The following NEGR1 variants were observed in gnomAD, a reference collection of about 807,000 sequenced individuals.
NEGR1 encodes the protein neuronal growth regulator 1.
A neutral mutation model predicts 40.9 loss-of-function variants in NEGR1; 10 were observed. That is an observed-to-expected ratio of 0.24 (90% CI 0.15 to 0.42). The LOEUF (loss-of-function observed/expected upper bound fraction) is 0.42, where lower values mean the gene tolerates loss of function less well. Among genes scored for constraint, NEGR1 ranks in the 10% least tolerant of loss-of-function variants. NEGR1 has a pLI of 1.00. For missense variants in NEGR1, 352 were observed against 438.9 expected (o/e 0.80, Z 1.77); for synonymous variants, 185 against 166.8 (o/e 1.11, Z -0.84).
intron 3 of NEGR1, among the ~76,000 whole-genome samples, chr1:71,745,143 G>T (rs1226265861): frequency 6.6e-6 from 1 of 152,040 alleles, no homozygotes; most frequent in East Asian, 1.9e-4. Flanking sequence ...TAAACAATTT[G>T]ATATAAACTT....
intron 2 of NEGR1, among the ~76,000 whole-genome samples, chr1:71,887,560 A>T (rs1309839871): frequency 1.3e-5 from 2 of 152,086 alleles, no homozygotes; most frequent in African/African-American, 4.8e-5. Flanking sequence ...ATACAGAGTG[A>T]TGTTGCAATA....
intron 5 of NEGR1, among the ~76,000 whole-genome samples, chr1:71,597,412 T>TTATATATATATATA (rs369364525): frequency 6.1e-4 from 73 of 120,538 alleles, no homozygotes; most frequent in African/African-American, 2.3e-3. Context: ...GGAGTTTTAT[T>TTATATATATATATA]TATATATATA....
chr1:71,437,610 T>C (rs1213873654), intron 6 of NEGR1, among the ~76,000 whole-genome samples: 1 of 152,194 alleles, frequency 6.6e-6, no homozygotes, highest in Non-Finnish European at 1.5e-5. Context: ...ACATTCTACT[T>C]TGCATTTAGA....
intron 1 of NEGR1, among the ~76,000 whole-genome samples, chr1:72,142,692 T>C (rs1376593646): frequency 6.6e-6 from 1 of 151,824 alleles, no homozygotes; most frequent in African/African-American, 2.4e-5. Context: ...ACATATACAA[T>C]CTCATTGAAT....
intron 6 of NEGR1, among the ~76,000 whole-genome samples, chr1:71,530,893 G>A (rs1348402748): frequency 6.6e-6 from 1 of 151,250 alleles, no homozygotes; most frequent in East Asian, 2.0e-4. Context: ...GGAGGTGTGT[G>A]TGTATGTGTG....
At chr1:71,781,106 A>G (rs947773532) in intron 2 of NEGR1, among the ~76,000 whole-genome samples, 1 of 152,204 alleles carries the variant, frequency 6.6e-6, no homozygotes, top group Non-Finnish European at 1.5e-5. Context: ...TTGTTTGTTT[A>G]ATGAGCAGTC....
chr1:72,079,347 A>G (rs1208295869), intron 1 of NEGR1, among the ~76,000 whole-genome samples: 1 of 151,962 alleles, frequency 6.6e-6, no homozygotes, highest in African/African-American at 2.4e-5. Context: ...TCACCTAATT[A>G]GTATGCCAGT....
chr1:72,038,877 T>C (rs1298946440), intron 1 of NEGR1, among the ~76,000 whole-genome samples: 2 of 152,012 alleles, frequency 1.3e-5, no homozygotes, highest in Non-Finnish European at 2.9e-5. Flanking sequence ...AAGAGCTCAC[T>C]ACTGAGCAAA....
chr1:71,559,834 GTA>G (rs1491174707), intron 6 of NEGR1, among the ~76,000 whole-genome samples: 1 of 83,610 alleles, frequency 1.2e-5, no homozygotes, highest in African/African-American at 5.0e-5. Flanking sequence ...TATCATTCTG[GTA>G]AAAAAAAAAA....
At chr1:71,754,086 G>A (rs963211508) in intron 3 of NEGR1, among the ~76,000 whole-genome samples, 4 of 151,752 alleles carry the variant, frequency 2.6e-5, no homozygotes, top group East Asian at 1.9e-4. Flanking sequence ...GAGGAGACTC[G>A]AAGGTTTCCT....
At chr1:72,277,994 CTAA>C (rs1656116715) in intron 1 of NEGR1, among the ~76,000 whole-genome samples, 1 of 151,954 alleles carries the variant, frequency 6.6e-6, no homozygotes, top group Non-Finnish European at 1.5e-5. Flanking sequence ...TTAATGTAGT[CTAA>C]TAAAAAGGCA....
At chr1:72,175,914 T>C (rs1478163239) in intron 1 of NEGR1, among the ~76,000 whole-genome samples, 1 of 152,082 alleles carries the variant, frequency 6.6e-6, no homozygotes, top group Non-Finnish European at 1.5e-5. Context: ...TTTATGTCAG[T>C]GGTTTGAATG....
At chr1:72,204,031 C>A (rs1054647880) in intron 1 of NEGR1, among the ~76,000 whole-genome samples, 4 of 152,042 alleles carry the variant, frequency 2.6e-5, no homozygotes, top group African/African-American at 9.7e-5. Flanking sequence ...ATGTCACTAG[C>A]AGTATTGCGA....
chr1:72,246,183 T>C (rs1041050228), intron 1 of NEGR1, among the ~76,000 whole-genome samples: 1 of 121,816 alleles, frequency 8.2e-6, no homozygotes, highest in Non-Finnish European at 1.9e-5. Flanking sequence ...CCAGTCTTTT[T>C]CTCTCTCTTT....
At chr1:71,850,312 T>C (rs956278350) in intron 2 of NEGR1, among the ~76,000 whole-genome samples, 6 of 151,970 alleles carry the variant, frequency 3.9e-5, no homozygotes, top group South Asian at 2.1e-4. Context: ...TGAGCCATCA[T>C]GCCCGGCAAA....
intron 2 of NEGR1, among the ~76,000 whole-genome samples, chr1:71,879,010 G>C (rs1317126205): frequency 2.0e-5 from 3 of 151,982 alleles, no homozygotes; most frequent in African/African-American, 7.2e-5. Context: ...GTGCATGCCT[G>C]TAATCTCAGC....
In NEGR1 at chr1:71,547,859, T is replaced by C; in HGVS notation, c.940+44958A>G. ...AAGGCATGTGACAGAGGTGCTGGTATACAACTTTGCTCTGAATTAAAAGAG... is the reference window on the plus strand; with the variant it reads ...AAGGCATGTGACAGAGGTGCTGGTACACAACTTTGCTCTGAATTAAAAGAG... On this transcript the variant is annotated intron_variant, in intron 6 of 6. Transcript: ENST00000357731. Among the ~76,000 whole-genome samples, 2 of 151,740 alleles carry C rather than the reference T, an allele frequency of 1.3e-5. 1 individual carries two copies.
chr1:71,635,458 G>T lies in NEGR1; in HGVS notation c.668-24312C>A, dbSNP rs1243552941. Among the ~76,000 whole-genome samples the T allele has an allele frequency of 5.9e-5, 9 of 151,930 alleles. No individual in the cohort carries two copies. The Admixed American group carries it at 5.9e-4, about 10-fold the overall frequency. On this transcript the variant is annotated intron_variant, in intron 4 of 6. Coordinates refer to ENST00000357731, the MANE Select transcript of NEGR1 (RefSeq NM_173808.3). ...GCATAGTAGTATAGAGTACTATAGAGTTATAGTAGTAGAGATGCAAGATGA... is the reference window on the plus strand; with the variant it reads ...GCATAGTAGTATAGAGTACTATAGATTTATAGTAGTAGAGATGCAAGATGA...
chr1:71,815,916 A>G (rs767911671), intron 2 of NEGR1, among the ~76,000 whole-genome samples: 15 of 152,044 alleles, frequency 9.9e-5, no homozygotes, highest in Non-Finnish European at 2.1e-4. Context: ...GGTTTAACAT[A>G]TTACTCTTTC....
Sources: gnomAD v4.1 joint callset for allele counts (sites outside exome capture counted in the v4.1 genomes callset) on GRCh38, gnomAD v4.1.1 for gene constraint, MANE v1.5 for transcripts, NCBI Gene and HGNC (gene_info 2026-07-23, HGNC 2026-07-21) for gene names.